PCNT: variants seen among roughly 807,000 people sequenced by gnomAD.
The protein encoded by PCNT is pericentrin.
PCNT carries 319 observed loss-of-function variants against 380.4 expected under a neutral mutation model. That is an observed-to-expected ratio of 0.84 (90% CI 0.77 to 0.92). The LOEUF is 0.92. PCNT is among the 40% of genes least tolerant of loss of function. The pLI is 0.00. For synonymous variants in PCNT, 1,845 were observed against 1,735.2 expected (o/e 1.06, Z -1.57); for missense variants, 4,400 against 4,255.3 (o/e 1.03, Z -0.95).
intron 11 of PCNT, 86 bp from the exon 12 acceptor site, chr21:46,355,366 A>T (rs549460495): frequency 3.3e-5 from 46 of 1,398,138 alleles, no homozygotes; most frequent in Non-Finnish European, 4.1e-5. Flanking sequence ...TTCTTTGTGC[A>T]TAGCAGGAAA....
intron 14 of PCNT, among the ~76,000 whole-genome samples, chr21:46,364,989 G>A (rs1370614446): frequency 2.6e-5 from 4 of 152,246 alleles, no homozygotes; most frequent in African/African-American, 4.8e-5. Context: ...CATTTTGCAG[G>A]ACCCTCCAGC....
chr21:46,393,577 G>A (rs1388004365), intron 21 of PCNT, among the ~76,000 whole-genome samples: 1 of 152,166 alleles, frequency 6.6e-6, no homozygotes, highest in Non-Finnish European at 1.5e-5. Context: ...TCATCACCTC[G>A]AGCCCTTGGA....
Position 46,366,941 on chromosome 21 carries a change from C to G in PCNT, c.2967C>G (p.Ala989=). 1 of 1,614,252 alleles carries G rather than the reference C, an allele frequency of 6.2e-7. No individual in the cohort carries two copies. The highest frequency in any genetic ancestry group is 8.5e-7 in the Non-Finnish European group (1 of 1,180,046). The change falls in exon 15 of 47, where the codon GCC becomes GCG. Residue 989 remains alanine, a synonymous_variant. Coordinates refer to ENST00000359568, the MANE Select transcript of PCNT (RefSeq NM_006031.6). ...FQTIREEHRQ[A]LELLRADFEE... ...CCATCCGTGAGGAGCACAGGCAGGCCCTAGAGCTCTTACGAGCAGACTTTG... is the reference window on the plus strand; with the variant it reads ...CCATCCGTGAGGAGCACAGGCAGGCGCTAGAGCTCTTACGAGCAGACTTTG...
intron 3 of PCNT, among the ~76,000 whole-genome samples, chr21:46,341,270 T>G (rs1365263829): frequency 1.3e-5 from 2 of 152,066 alleles, no homozygotes; most frequent in Non-Finnish European, 2.9e-5. Context: ...CTTCTCAGGA[T>G]CTTTTTTTGG....
intron 45 of PCNT, 100 bp downstream of exon 45, chr21:46,444,048 GC>G: frequency 7.6e-7 from 1 of 1,308,286 alleles, no homozygotes; most frequent in Non-Finnish European, 1.0e-6. Context: ...CTTTGGCCCA[GC>G]CCAGGGCAAG....
chr21:46,337,726 G>A (rs1267434905), intron 3 of PCNT, among the ~76,000 whole-genome samples: 1 of 152,178 alleles, frequency 6.6e-6, no homozygotes, highest in Non-Finnish European at 1.5e-5. Context: ...GGGATTACAG[G>A]CATGCGCCAC....
intron 38 of PCNT, among the ~76,000 whole-genome samples, chr21:46,433,737 T>TA (rs1331844379): frequency 1.3e-5 from 2 of 152,188 alleles, no homozygotes; most frequent in African/African-American, 2.4e-5. Flanking sequence ...TCTTGACCTG[T>TA]ATTTTGAGTG....
chr21:46,324,601 G>C (rs2083298751), intron 1 of PCNT, among the ~76,000 whole-genome samples: 1 of 150,440 alleles, frequency 6.6e-6, no homozygotes, highest in African/African-American at 2.4e-5. Context: ...GGTGCACGCC[G>C]GGGCGGGGTG....
chr21:46,412,736 C>A, intron 28 of PCNT, 101 bp from the exon 29 acceptor site: 1 of 1,251,002 alleles, frequency 8.0e-7, no homozygotes, highest in Non-Finnish European at 1.2e-6. Flanking sequence ...CTCTGGCATC[C>A]CTGCTGGCTG....
At chr21:46,401,790 A>G (rs1601968701) in intron 26 of PCNT, 69 bp downstream of exon 26, 4 of 1,449,846 alleles carry the variant, frequency 2.8e-6, no homozygotes, top group Middle Eastern at 1.8e-4. Context: ...TCTGTGGCAG[A>G]TCCGATGTCC....
At chr21:46,428,303 G>A (rs549270583) in intron 34 of PCNT, 92 bp from the exon 35 acceptor site, 11 of 1,151,192 alleles carry the variant, frequency 9.6e-6, no homozygotes, top group South Asian at 2.6e-5. Context: ...GGCTTGTCCC[G>A]GCGGAGCTGG....
intron 12 of PCNT, among the ~76,000 whole-genome samples, chr21:46,356,507 G>T (rs2146716336): frequency 6.6e-6 from 1 of 152,366 alleles, no homozygotes; most frequent in South Asian, 2.1e-4. Flanking sequence ...GCCAGTGGGG[G>T]TAGCGTGCCT....
intron 27 of PCNT, among the ~76,000 whole-genome samples, chr21:46,407,536 G>T (rs1000180517): frequency 2.0e-5 from 3 of 151,792 alleles, no homozygotes; most frequent in Non-Finnish European, 4.4e-5. Flanking sequence ...GCACAGACGG[G>T]GTTTCACCGT....
At chr21:46,398,187 C>G (rs1463691950) in intron 23 of PCNT, 48 bp from the exon 24 acceptor site, 11 of 1,605,890 alleles carry the variant, frequency 6.8e-6, no homozygotes, top group Admixed American at 5.1e-5. Flanking sequence ...TGTTTTTAAG[C>G]TTTAACTTTC....
rs779288253 is a variant in PCNT, at chr21:46,428,607, A to C, written c.7690+17A>C. 8 of 1,583,078 alleles carry C rather than the reference A, an allele frequency of 5.1e-6. No individual in the cohort carries two copies. In the East Asian group the frequency reaches 1.6e-4, roughly 31 times the overall value. ...GCAGGCAGGGTGGGTGTCACTGTCTACACTGCCTGGGGCCCGGCCTCTGCA... is the reference window on the plus strand; with the variant it reads ...GCAGGCAGGGTGGGTGTCACTGTCTCCACTGCCTGGGGCCCGGCCTCTGCA... On this transcript the variant is annotated intron_variant, in intron 35 of 46. Coordinates refer to ENST00000359568, the MANE Select transcript of PCNT (RefSeq NM_006031.6).
At chr21:46,441,464 T>G (rs1476365747) in intron 43 of PCNT, among the ~76,000 whole-genome samples, 3 of 152,192 alleles carry the variant, frequency 2.0e-5, no homozygotes, top group Non-Finnish European at 4.4e-5. Flanking sequence ...CGGGCCTGTC[T>G]GGAGTAGCAG....
chr21:46,438,256 G>A lies in PCNT; in HGVS notation c.9192G>A (p.Gln3064=). The change falls in exon 41 of 47, where the codon CAG becomes CAA. Residue 3064 remains glutamine (Q), a synonymous_variant. Transcript: ENST00000359568. ...CAAAAGCGCTCAGCACGGTGACCCA[G>A]GAGAAGCTGGAGCTGAGCAGAGCCG... is the stretch of plus-strand genomic sequence containing the variant. ...SLTKALSTVT[Q]EKLELSRAVS... is the part of the protein sequence containing the mutation. 6.2e-7 allele frequency: 1 copy of A among 1,614,220 alleles called. No individual in the cohort carries two copies. Among genetic ancestry groups the A allele is most frequent in the South Asian group, 1.1e-5 (1 of 91,084 alleles).
At chr21:46,377,571 A>G (rs1385668183) in intron 15 of PCNT, among the ~76,000 whole-genome samples, 1 of 152,178 alleles carries the variant, frequency 6.6e-6, no homozygotes, top group African/African-American at 2.4e-5. Context: ...AAAATATTTC[A>G]TCACCTCAAA....
intron 27 of PCNT, among the ~76,000 whole-genome samples, 187 bp downstream of exon 27, chr21:46,402,670 G>C (rs902555471): frequency 5.3e-5 from 8 of 152,170 alleles, no homozygotes; most frequent in Admixed American, 1.3e-4. Flanking sequence ...CAGCTTTCTA[G>C]GGATCTTGAG....
Sources: allele counts gnomAD v4.1 joint callset (sites outside exome capture counted in the v4.1 genomes callset), GRCh38; gene constraint gnomAD v4.1.1; transcripts MANE v1.5; gene names NCBI Gene and HGNC (gene_info 2026-07-23, HGNC 2026-07-21).